The following RAB11FIP4 variants were observed in gnomAD, a reference collection of about 807,000 sequenced individuals.
RAB11FIP4 encodes the protein rab11 family-interacting protein 4.
In RAB11FIP4, 23 loss-of-function variants were observed where a neutral mutation model predicts 74.3. That is an observed-to-expected ratio of 0.31 (90% CI 0.22 to 0.44). RAB11FIP4 has a LOEUF of 0.44. Among genes scored for constraint, RAB11FIP4 ranks in the 20% least tolerant of loss-of-function variants. RAB11FIP4 has a pLI of 1.00. For missense variants in RAB11FIP4, 630 were observed against 863.9 expected (o/e 0.73, Z 3.39); for synonymous variants, 360 against 359.9 (o/e 1.00, Z 0.00).
rs147599391 is a variant in RAB11FIP4 at position 31,430,174 on chromosome 17, G to A, written c.160-1639G>A. Among the ~76,000 whole-genome samples, 94 of 152,260 alleles carry A rather than the reference G, an allele frequency of 6.2e-4. No individual in the cohort carries two copies. In the Middle Eastern group the frequency reaches 0.014, roughly 22 times the overall value. On this transcript the variant is annotated intron_variant, in intron 1 of 14. Transcript: ENST00000621161. The stretch of plus-strand genomic sequence containing the variant: ...GCGAATGGGGAGGACAGCTGTCCAA[G>A]TTGTAGGGAATAGCATGTGCAAAGG...
chr17:31,444,766 T>C (rs2071436082), intron 3 of RAB11FIP4, among the ~76,000 whole-genome samples: 1 of 152,222 alleles, frequency 6.6e-6, no homozygotes, highest in Admixed American at 6.5e-5. Flanking sequence ...ATTTGGGTTT[T>C]ATGAACCTGT....
chr17:31,404,980 C>T (rs1254113684), intron 1 of RAB11FIP4, among the ~76,000 whole-genome samples: 1 of 152,096 alleles, frequency 6.6e-6, no homozygotes, highest in Non-Finnish European at 1.5e-5. Context: ...GCTGACCAGG[C>T]AGGCTGGAGG....
intron 3 of RAB11FIP4, among the ~76,000 whole-genome samples, chr17:31,475,798 G>GTTT (rs1323409888): frequency 1.0e-4 from 7 of 67,420 alleles, no homozygotes; most frequent in African/African-American, 3.4e-4. Context: ...ATTTTTGTGT[G>GTTT]GTTTTTTTTT....
At chr17:31,524,062 C>T (rs2072720424) in intron 9 of RAB11FIP4, 66 bp downstream of exon 9, 2 of 1,178,348 alleles carry the variant, frequency 1.7e-6, no homozygotes, top group Non-Finnish European at 2.5e-6. Flanking sequence ...GTCCATCTTG[C>T]TAAGACCTCC....
chr17:31,521,754 T>G, intron 5 of RAB11FIP4, 161 bp from the exon 6 acceptor site: 1 of 764,992 alleles, frequency 1.3e-6, no homozygotes, highest in South Asian at 1.9e-5. Flanking sequence ...TTGAGCGTGT[T>G]GGAGAAGGGA....
chr17:31,493,078 C>T (rs539438418), intron 3 of RAB11FIP4, among the ~76,000 whole-genome samples: 4 of 152,218 alleles, frequency 2.6e-5, no homozygotes, highest in South Asian at 4.2e-4. Flanking sequence ...AGCCCAGAAC[C>T]GCCCAGCAGG....
At chr17:31,413,321 A>G (rs7502871) in intron 1 of RAB11FIP4, among the ~76,000 whole-genome samples, 123,794 of 151,912 alleles carry the variant, frequency 0.81, 50,572 homozygotes, top group Admixed American at 0.87. Flanking sequence ...TAATGGGTCT[A>G]AAGCCAACCA....
intron 1 of RAB11FIP4, among the ~76,000 whole-genome samples, chr17:31,400,872 G>C (rs983363015): frequency 6.6e-6 from 1 of 152,174 alleles, no homozygotes; most frequent in Non-Finnish European, 1.5e-5. Context: ...CACATCCTGG[G>C]CTCTTTCTCC....
chr17:31,415,076 T>A (rs2071134338), intron 1 of RAB11FIP4, among the ~76,000 whole-genome samples: 1 of 152,296 alleles, frequency 6.6e-6, no homozygotes, highest in South Asian at 2.1e-4. Flanking sequence ...AGAGACAGCC[T>A]CTCCCAGAGC....
intron 3 of RAB11FIP4, among the ~76,000 whole-genome samples, chr17:31,439,407 C>T (rs2525580): frequency 0.56 from 84,241 of 151,580 alleles, 23,724 homozygotes; most frequent in Admixed American, 0.63. Context: ...GGTCTCCGGC[C>T]TAGCAGCCTG....
chr17:31,496,902 C>T (rs1050142007), intron 3 of RAB11FIP4, among the ~76,000 whole-genome samples: 23 of 152,252 alleles, frequency 1.5e-4, no homozygotes, highest in Admixed American at 5.9e-4. Flanking sequence ...ACCCTCCTTG[C>T]TGCGTTAAAA....
At position 31,515,491 on chromosome 17, in the gene RAB11FIP4, G is replaced by A. The variant is rs1006962627; in HGVS notation, c.337-2160G>A. ...CTATTTTTAGCCCAGGGGTCTCCTG[G>A]TGGGGACGGACCCCCAGGAGGGCTG... On this transcript the variant is annotated intron_variant, in intron 3 of 14. Transcript: ENST00000621161. Among the ~76,000 whole-genome samples the A allele has an allele frequency of 5.6e-5, 7 of 126,118 alleles. 1 individual carries two copies. Among genetic ancestry groups the A allele is most frequent in the Middle Eastern group, 4.8e-3 (1 of 208 alleles). 82.7% of individuals were successfully genotyped at this position (126,118 alleles called of 152,430 possible).
Position 31,536,546 on chromosome 17 carries a change from T to C in RAB11FIP4, c.*4814T>C, listed in dbSNP as rs542720753. The stretch of plus-strand genomic sequence containing the variant: ...TTCTCCCAGACTCTGGCCCTCCCTT[T>C]GGGACCCAGGAAATCCCCTCTAGGG... On this transcript the variant is annotated 3_prime_UTR_variant, in exon 15 of 15. Coordinates refer to ENST00000621161, the MANE Select transcript of RAB11FIP4 (RefSeq NM_032932.6). 2 of 155,836 alleles carry C rather than the reference T, an allele frequency of 1.3e-5. No individual in the cohort carries two copies. Among genetic ancestry groups the C allele is most frequent in the South Asian group, 4.1e-4 (2 of 4,854 alleles). The allele number at this position is 155,836 out of a possible 1,614,324, so 9.7% of individuals were successfully genotyped here. A position where few individuals can be genotyped will look rare whatever the true frequency, so the allele number is the denominator to read the frequency against.
At chr17:31,529,281 T>C (rs1267004600) in intron 13 of RAB11FIP4, among the ~76,000 whole-genome samples, 2 of 152,000 alleles carry the variant, frequency 1.3e-5, no homozygotes, top group Non-Finnish European at 2.9e-5. Context: ...TTTTGTTTTT[T>C]GAGGCAGGGT....
chr17:31,528,149 T>A (rs1367136765), intron 11 of RAB11FIP4, among the ~76,000 whole-genome samples: 1 of 152,266 alleles, frequency 6.6e-6, no homozygotes, highest in Non-Finnish European at 1.5e-5. Flanking sequence ...AGCTTCTATT[T>A]GGGCTAACAC....
intron 1 of RAB11FIP4, among the ~76,000 whole-genome samples, chr17:31,416,329 G>A (rs1188372603): frequency 2.0e-5 from 3 of 152,202 alleles, no homozygotes; most frequent in Non-Finnish European, 4.4e-5. Flanking sequence ...ACATGGAGGG[G>A]AGCGGGCTTA....
intron 1 of RAB11FIP4, among the ~76,000 whole-genome samples, chr17:31,428,564 A>G (rs2071276073): frequency 6.6e-6 from 1 of 152,142 alleles, no homozygotes; most frequent in Non-Finnish European, 1.5e-5. Context: ...AAGATGCCTG[A>G]CAAGGAGTGT....
chr17:31,522,349 T>C lies in RAB11FIP4; in HGVS notation c.894-11T>C. ...CCCTCTGTTCAATGACTGTTTCCTT[T>C]CTCTCTCTAGCCCCAACCGAAAGAT... On this transcript the variant is annotated splice_polypyrimidine_tract_variant and intron_variant, in intron 6 of 14. Transcript: ENST00000621161. 3 of 1,613,518 alleles carry C rather than the reference T, an allele frequency of 1.9e-6. No homozygotes were observed. The African/African-American group carries it at 4.0e-5, about 22-fold the overall frequency.
In RAB11FIP4 at chr17:31,521,275, G is replaced by A. The variant is rs777628674; in HGVS notation, c.673G>A (p.Val225Met). ...TGAAGACTATGGGGAGGGTGACGATGTGGACTGTGCCCCCAGCAGCCCTTG... is the reference window on the plus strand; with the variant it reads ...TGAAGACTATGGGGAGGGTGACGATATGGACTGTGCCCCCAGCAGCCCTTG... ...QFEDYGEGDD[V>M]DCAPSSPCPD... The change falls in exon 5 of 15, where the codon GTG becomes ATG. Residue 225 changes from valine (V) to methionine (M), a missense_variant. Transcript: ENST00000621161. 4 of 1,614,118 alleles carry A rather than the reference G, an allele frequency of 2.5e-6. No homozygotes were observed. Among genetic ancestry groups the A allele is most frequent in the Non-Finnish European group, 3.4e-6 (4 of 1,179,968 alleles).
Sources: gnomAD v4.1 joint callset for allele counts (sites outside exome capture counted in the v4.1 genomes callset) on GRCh38, gnomAD v4.1.1 for gene constraint, MANE v1.5 for transcripts, NCBI Gene and HGNC (gene_info 2026-07-23, HGNC 2026-07-21) for gene names.